The following SPG21 variants were observed in gnomAD, a reference collection of about 807,000 sequenced individuals.
The protein encoded by SPG21 is maspardin.
A neutral mutation model predicts 38.9 loss-of-function variants in SPG21; 26 were observed. The observed-to-expected ratio is 0.67, with a 90% CI of 0.49 to 0.93. The LOEUF (loss-of-function observed/expected upper bound fraction) is 0.93, where lower values mean the gene tolerates loss of function less well. Among genes scored for constraint, SPG21 ranks in the 40% least tolerant of loss-of-function variants. The pLI, the probability that SPG21 is intolerant of heterozygous loss-of-function variation, is 0.00. For synonymous variants in SPG21, 136 were observed against 128.9 expected (o/e 1.05, Z -0.37); for missense variants, 333 against 376.5 (o/e 0.88, Z 0.96).
At chr15:64,968,596 A>T (rs1160449062) in intron 7 of SPG21, among the ~76,000 whole-genome samples, 1 of 151,986 alleles carries the variant, frequency 6.6e-6, no homozygotes. Flanking sequence ...TGGAATGATG[A>T]AAATGTTGTG....
intron 7 of SPG21, among the ~76,000 whole-genome samples, chr15:64,968,383 T>C (rs2085589484): frequency 6.7e-6 from 1 of 149,566 alleles, no homozygotes; most frequent in African/African-American, 2.4e-5. Flanking sequence ...TTCTGACACA[T>C]GTATAACATT....
In SPG21 at chr15:64,976,545, G is replaced by A. The variant is rs1163205289; in HGVS notation, c.236C>T (p.Pro79Leu). The part of the protein sequence containing the change: ...WGYRVIALQY[P>L]VYWDHLEFCD... ...GAACTCGAGATGGTCCCAATAAACTGGATACTGCAACTGAAATAATAACGA... is the reference window on the plus strand; with the variant it reads ...GAACTCGAGATGGTCCCAATAAACTAGATACTGCAACTGAAATAATAACGA... The change falls in exon 4 of 9, where the codon CCA becomes CTA. Residue 79 changes from proline (P) to leucine (L), a missense_variant. Coordinates refer to ENST00000204566, the MANE Select transcript of SPG21 (RefSeq NM_016630.7). 1 of 1,609,810 alleles carries A rather than the reference G, an allele frequency of 6.2e-7. No individual in the cohort carries two copies. Among genetic ancestry groups the A allele is most frequent in the Non-Finnish European group, 8.5e-7 (1 of 1,176,704 alleles).
rs146092558 is a variant in SPG21 at position 64,981,025 on chromosome 15, T to C, written c.64A>G (p.Ile22Val). The change falls in exon 3 of 9, where the codon ATT becomes GTT. Residue 22 changes from isoleucine (I) to valine (V), a missense_variant and splice_region_variant. Ile to Val is a conservative substitution (Grantham distance 29). Transcript: ENST00000204566. ...TTACTGTCATCATCATCCACAATAA[T>C]CTGGAGGGAAGGTTAAAAGAAAAAA... Reference protein sequence around the residue: ...WFRGTVPLKKIIVDDDDSKIW... With the variant: ...WFRGTVPLKKVIVDDDDSKIW... 6.4e-5 allele frequency: 103 copies of C among 1,614,000 alleles called. No individual in the cohort carries two copies. The East Asian group carries it at 1.7e-3, about 27-fold the overall frequency.
chr15:64,973,808 A>G (rs1280081891), intron 5 of SPG21, among the ~76,000 whole-genome samples: 1 of 152,244 alleles, frequency 6.6e-6, no homozygotes, highest in African/African-American at 2.4e-5. Flanking sequence ...CATGATGTGC[A>G]GAACATCTGT....
intron 2 of SPG21, chr15:64,983,177 G>A: frequency 3.8e-6 from 1 of 263,772 alleles, no homozygotes; most frequent in Non-Finnish European, 8.1e-6. Flanking sequence ...AGAATCTCTT[G>A]AACCTGGGAA....
intron 5 of SPG21, among the ~76,000 whole-genome samples, chr15:64,973,306 G>A (rs1039033634): frequency 2.0e-5 from 3 of 152,076 alleles, no homozygotes; most frequent in Non-Finnish European, 4.4e-5. Context: ...CGCCTTGCCA[G>A]CAATGAAAGA....
At chr15:64,978,832 G>A (rs556973474) in intron 3 of SPG21, among the ~76,000 whole-genome samples, 9 of 152,278 alleles carry the variant, frequency 5.9e-5, no homozygotes, top group African/African-American at 2.2e-4. Context: ...AACTGGGGAA[G>A]CCTGAATGAG....
intron 1 of SPG21, among the ~76,000 whole-genome samples, chr15:64,988,215 C>G (rs2086037606): frequency 6.6e-6 from 1 of 152,116 alleles, no homozygotes; most frequent in African/African-American, 2.4e-5. Flanking sequence ...GAGTGAGACT[C>G]TGTCTCAAAA....
intron 3 of SPG21, among the ~76,000 whole-genome samples, chr15:64,978,594 T>C (rs1417243295): frequency 1.3e-5 from 2 of 152,234 alleles, no homozygotes; most frequent in African/African-American, 4.8e-5. Context: ...AGATTTGATG[T>C]ATGACTTTCA....
At chr15:64,988,597 T>A (rs557581339) in intron 1 of SPG21, 1 of 152,364 alleles carries the variant, frequency 6.6e-6, no homozygotes, top group East Asian at 1.9e-4. Flanking sequence ...CTCTAAACCT[T>A]ACAGGAGGAA....
chr15:64,963,767 A>C lies in SPG21; in HGVS notation c.811-31T>G, dbSNP rs138107159. ...GAAATGCAGAATCATTATTTTATTT[A>C]TTTTTTGAGCTGGAGTGTCACTCTT... On this transcript the variant is annotated intron_variant, in intron 8 of 8. Transcript: ENST00000204566. The C allele has an allele frequency of 2.5e-6, 4 of 1,597,292 alleles. No individual in the cohort carries two copies. In the African/African-American group the frequency reaches 5.4e-5, roughly 21 times the overall value.
intron 4 of SPG21, among the ~76,000 whole-genome samples, 194 bp downstream of exon 4, chr15:64,976,281 C>T (rs561590722): frequency 7.3e-5 from 11 of 151,622 alleles, no homozygotes; most frequent in African/African-American, 2.7e-4. Context: ...AAAAACTAGC[C>T]GGGCATGGTG....
intron 3 of SPG21, among the ~76,000 whole-genome samples, chr15:64,977,875 T>C (rs1235638438): frequency 1.3e-5 from 2 of 152,018 alleles, no homozygotes; most frequent in Non-Finnish European, 2.9e-5. Flanking sequence ...CAGGCTGGAG[T>C]GCAGTGGCGC....
At chr15:64,988,922 C>CA (rs1316303089) in intron 1 of SPG21, 1 of 145,464 alleles carries the variant, frequency 6.9e-6, no homozygotes, top group Admixed American at 7.2e-5. Flanking sequence ...ACAGAGCTTG[C>CA]AGTGAGCTGG....
intron 2 of SPG21, chr15:64,983,294 A>AAAG (rs2085919817): frequency 2.2e-5 from 7 of 315,204 alleles, no homozygotes; most frequent in Non-Finnish European, 3.6e-5. Context: ...ATAAATAAAA[A>AAAG]TGAGTACAGT....
intron 3 of SPG21, among the ~76,000 whole-genome samples, chr15:64,978,082 C>T (rs977336831): frequency 2.0e-5 from 3 of 149,214 alleles, no homozygotes; most frequent in Non-Finnish European, 4.5e-5. Context: ...CCGCCTGCCT[C>T]GGCCTCCCAA....
At chr15:64,972,863 CA>C (rs959117896) in intron 5 of SPG21, among the ~76,000 whole-genome samples, 1 of 131,484 alleles carries the variant, frequency 7.6e-6, no homozygotes, top group Middle Eastern at 4.1e-3. Flanking sequence ...CAAACAACAA[CA>C]AAAAAAACTA....
At position 64,981,760 on chromosome 15, in the gene SPG21, T is replaced by C. The variant is rs527954897; in HGVS notation, c.64-735A>G. ...TTAAGTGTCCTAGAAATATTAGCTATTATTATTATTCACGGCATCCTAGTT... is the reference window on the plus strand; with the variant it reads ...TTAAGTGTCCTAGAAATATTAGCTACTATTATTATTCACGGCATCCTAGTT... On this transcript the variant is annotated intron_variant, in intron 2 of 8. Transcript: ENST00000204566. 33 of 152,298 alleles carry C rather than the reference T, an allele frequency of 2.2e-4. 1 individual carries two copies. Among genetic ancestry groups the C allele is most frequent in the African/African-American group, 7.7e-4 (32 of 41,564 alleles). The allele number at this position is 152,298 out of a possible 1,614,324, so 9.4% of individuals were successfully genotyped here. A position where few individuals can be genotyped will look rare whatever the true frequency, so the allele number is the denominator to read the frequency against.
intron 3 of SPG21, 95 bp downstream of exon 3, chr15:64,980,768 CA>C: frequency 7.3e-7 from 1 of 1,370,550 alleles, no homozygotes; most frequent in Non-Finnish European, 1.0e-6. Flanking sequence ...AACAAACAAA[CA>C]AACTGTGCCC....
Sources: gnomAD v4.1 joint callset for allele counts (sites outside exome capture counted in the v4.1 genomes callset) on GRCh38, gnomAD v4.1.1 for gene constraint, MANE v1.5 for transcripts, NCBI Gene and HGNC (gene_info 2026-07-23, HGNC 2026-07-21) for gene names.